JAZF1: variants seen among roughly 807,000 people sequenced by gnomAD.
JAZF1 encodes JAZF zinc finger 1.
A neutral mutation model predicts 26.4 loss-of-function variants in JAZF1; 8 were observed. That is an observed-to-expected ratio of 0.30 (90% CI 0.18 to 0.55). The LOEUF (loss-of-function observed/expected upper bound fraction) is 0.55. JAZF1 is among the 20% of genes least tolerant of loss of function. The pLI, the probability that JAZF1 is intolerant of heterozygous loss-of-function variation, is 0.94. For synonymous variants in JAZF1, 126 were observed against 122.3 expected, an observed-to-expected ratio of 1.03 and a Z score of -0.20; for missense variants, 199 against 322.0, an observed-to-expected ratio of 0.62 and a Z score of 2.92.
intron 1 of JAZF1, among the ~76,000 whole-genome samples, chr7:28,038,006 C>G (rs1783323352): frequency 6.6e-6 from 1 of 152,140 alleles, no homozygotes. Context: ...TTGCCAACAT[C>G]ACAATTTCAA....
intron 2 of JAZF1, among the ~76,000 whole-genome samples, chr7:27,903,576 TG>T (rs1784203247): frequency 2.6e-5 from 4 of 152,206 alleles, no homozygotes; most frequent in Admixed American, 2.6e-4. Flanking sequence ...TAACTACTCA[TG>T]AACAGAAAAA....
intron 2 of JAZF1, among the ~76,000 whole-genome samples, chr7:27,928,988 A>C (rs552428679): frequency 4.4e-4 from 67 of 152,320 alleles, no homozygotes; most frequent in African/African-American, 1.6e-3. Context: ...GGTGACAGGA[A>C]GGGCATGGAC....
chr7:28,056,713 AC>A (rs1783718331), intron 1 of JAZF1, among the ~76,000 whole-genome samples: 1 of 151,130 alleles, frequency 6.6e-6, no homozygotes, highest in South Asian at 2.1e-4. Context: ...GTGGCTGCAT[AC>A]CACCCTTCTC....
In JAZF1 at chr7:28,041,278, G is replaced by A. The variant is rs1041643962; in HGVS notation, c.116-49297C>T. On this transcript the variant is annotated intron_variant, in intron 1 of 4. Coordinates refer to ENST00000283928, the MANE Select transcript of JAZF1 (RefSeq NM_175061.4). ...GTGTGTATGATTTGATATTGCTGAC[G>A]GTGGAGGGAGGGAAGTTCACCCTCT... is the stretch of plus-strand genomic sequence containing the variant. Among the ~76,000 whole-genome samples the A allele has an allele frequency of 3.3e-5, 5 of 152,108 alleles. No homozygotes were observed. The East Asian group carries it at 7.7e-4, about 23-fold the overall frequency.
chr7:28,092,482 T>C (rs984653772), intron 1 of JAZF1, among the ~76,000 whole-genome samples: 10 of 142,930 alleles, frequency 7.0e-5, no homozygotes, highest in Admixed American at 1.3e-4. Context: ...ATATTAAAAG[T>C]ATATAAAAAA....
chr7:28,079,381 G>A (rs182241609), intron 1 of JAZF1, among the ~76,000 whole-genome samples: 7 of 152,180 alleles, frequency 4.6e-5, no homozygotes, highest in Non-Finnish European at 7.4e-5. Flanking sequence ...GCTGCCTCCC[G>A]CTTCTGTTTT....
chr7:28,013,469 G>A (rs906257904), intron 1 of JAZF1, among the ~76,000 whole-genome samples: 4 of 152,080 alleles, frequency 2.6e-5, no homozygotes, highest in Admixed American at 6.5e-5. Context: ...GCGGGGGTTG[G>A]GGGGGTAGGG....
chr7:28,141,977 T>C (rs1782965831), intron 1 of JAZF1, among the ~76,000 whole-genome samples: 1 of 152,160 alleles, frequency 6.6e-6, no homozygotes, highest in African/African-American at 2.4e-5. Context: ...GTTAGCTAAA[T>C]TATACTACAT....
chr7:28,098,759 T>A (rs1006358860), intron 1 of JAZF1, among the ~76,000 whole-genome samples: 2 of 152,200 alleles, frequency 1.3e-5, no homozygotes, highest in African/African-American at 4.8e-5. Context: ...TAACACTGAC[T>A]GTGTACTGAC....
At chr7:27,846,748 G>A (rs963173453) in intron 3 of JAZF1, among the ~76,000 whole-genome samples, 7 of 152,004 alleles carry the variant, frequency 4.6e-5, no homozygotes, top group East Asian at 3.9e-4. Context: ...CATTTTTATG[G>A]TTTCTTTGGA....
At chr7:27,976,294 C>T (rs1455595317) in intron 2 of JAZF1, among the ~76,000 whole-genome samples, 3 of 140,076 alleles carry the variant, frequency 2.1e-5, no homozygotes, top group East Asian at 2.0e-4. Context: ...TGCAGTGAGC[C>T]GAGAAGCGCC....
chr7:28,151,929 G>A lies in JAZF1; in HGVS notation c.115+28534C>T, dbSNP rs113520073. On this transcript the variant is annotated intron_variant, in intron 1 of 4. Transcript: ENST00000283928. ...ACTAGTGAAAAAACAAAAAAGAATT[G>A]TGGCTCATGTTGACATATACTTAAT... is the stretch of plus-strand genomic sequence containing the variant. Among the ~76,000 whole-genome samples, 37 of 152,268 alleles carry A rather than the reference G, an allele frequency of 2.4e-4. 1 individual carries two copies. Among genetic ancestry groups the A allele is most frequent in the African/African-American group, 8.7e-4 (36 of 41,562 alleles).
chr7:27,959,801 G>A (rs1318688365), intron 2 of JAZF1, among the ~76,000 whole-genome samples: 1 of 152,120 alleles, frequency 6.6e-6, no homozygotes, highest in Non-Finnish European at 1.5e-5. Flanking sequence ...TTGGGAGGCT[G>A]AGGCAGGAGA....
At chr7:28,120,322 C>T (rs1175272979) in intron 1 of JAZF1, among the ~76,000 whole-genome samples, 2 of 151,762 alleles carry the variant, frequency 1.3e-5, no homozygotes, top group Non-Finnish European at 1.5e-5. Flanking sequence ...AAACTTCTGA[C>T]CCTTGTTCAT....
At chr7:28,155,608 T>TA (rs1783170403) in intron 1 of JAZF1, among the ~76,000 whole-genome samples, 1 of 152,198 alleles carries the variant, frequency 6.6e-6, no homozygotes, top group Non-Finnish European at 1.5e-5. Flanking sequence ...CTTTCAGAGT[T>TA]AATCATCAAA....
chr7:27,838,458 A>G (rs1859328), intron 4 of JAZF1, among the ~76,000 whole-genome samples: 124,776 of 151,980 alleles, frequency 0.82, 51,834 homozygotes, highest in African/African-American at 0.95. Context: ...TGAGGACTGT[A>G]GATCCTGGTC....
intron 2 of JAZF1, among the ~76,000 whole-genome samples, chr7:27,909,877 G>A (rs1339564761): frequency 6.6e-6 from 1 of 151,918 alleles, no homozygotes; most frequent in Non-Finnish European, 1.5e-5. Context: ...AAATATATAC[G>A]GATTTTTAAA....
chr7:27,928,433 C>T (rs916937227), intron 2 of JAZF1, among the ~76,000 whole-genome samples: 1 of 152,188 alleles, frequency 6.6e-6, no homozygotes, highest in Non-Finnish European at 1.5e-5. Flanking sequence ...AGGCCTTTTA[C>T]GACTGGGATG....
chr7:28,076,212 C>G (rs1784049051), intron 1 of JAZF1, among the ~76,000 whole-genome samples: 1 of 152,182 alleles, frequency 6.6e-6, no homozygotes, highest in Non-Finnish European at 1.5e-5. Flanking sequence ...AGCAGAGCAC[C>G]TGGTCCAAAT....
Sources: allele counts gnomAD v4.1 joint callset (sites outside exome capture counted in the v4.1 genomes callset), GRCh38; gene constraint gnomAD v4.1.1; transcripts MANE v1.5; gene names NCBI Gene and HGNC (gene_info 2026-07-23, HGNC 2026-07-21).